The following DYM variants were observed in gnomAD, a reference collection of about 807,000 sequenced individuals.
DYM encodes the protein dyggve-Melchior-Clausen syndrome protein.
A neutral mutation model predicts 93.1 loss-of-function variants in DYM; 78 were observed. That is an observed-to-expected ratio of 0.84 (90% confidence interval 0.70 to 1.01). The LOEUF (loss-of-function observed/expected upper bound fraction) is 1.01, where lower values mean the gene tolerates loss of function less well. Among genes scored for constraint, DYM ranks in the 50% least tolerant of loss-of-function variants. The pLI, the probability that DYM is intolerant of heterozygous loss-of-function variation, is 0.00. For missense variants in DYM, 789 were observed against 845.0 expected (o/e 0.93, Z 0.82); for synonymous variants, 321 against 319.7 (o/e 1.00, Z -0.04).
At chr18:49,302,095 G>A (rs866531710) in intron 8 of DYM, among the ~76,000 whole-genome samples, 3 of 152,112 alleles carry the variant, frequency 2.0e-5, no homozygotes, top group Non-Finnish European at 4.4e-5. Context: ...TTAATGATCC[G>A]AGTACAAGCC....
At chr18:49,274,526 T>C (rs1250397833) in intron 10 of DYM, among the ~76,000 whole-genome samples, 1 of 152,142 alleles carries the variant, frequency 6.6e-6, no homozygotes, top group Middle Eastern at 3.2e-3. Flanking sequence ...AATTGCTGGA[T>C]CATATGGTAA....
At chr18:49,289,772 TAC>T (rs1397770081) in intron 8 of DYM, among the ~76,000 whole-genome samples, 7 of 36,622 alleles carry the variant, frequency 1.9e-4, no homozygotes, top group East Asian at 6.5e-4. Context: ...TATATATATA[TAC>T]ACATATATAT....
chr18:49,089,835 C>A (rs2078881703), intron 17 of DYM, among the ~76,000 whole-genome samples: 1 of 152,138 alleles, frequency 6.6e-6, no homozygotes, highest in African/African-American at 2.4e-5. Flanking sequence ...AGAAGAGATT[C>A]TAGTATCAAC....
At chr18:49,256,515 G>T (rs554536634) in intron 13 of DYM, among the ~76,000 whole-genome samples, 4 of 152,190 alleles carry the variant, frequency 2.6e-5, no homozygotes, top group Admixed American at 1.3e-4. Flanking sequence ...TTTTAGCCTA[G>T]TGAGACCCAC....
Position 49,206,003 on chromosome 18 carries a change from G to GTTTTTTTT in DYM, c.1625+3547_1625+3548insAAAAAAAA, listed in dbSNP as rs72500406. On this transcript the variant is annotated intron_variant, in intron 14 of 17. Coordinates refer to ENST00000675505, the MANE Select transcript of DYM (RefSeq NM_001353214.3). ...TTGACTAAGGTAGAGTTTTTTTTTT[G>GTTTTTTTT]TTTTTTTGTTTTTTGCGGAGTCTTG... The GTTTTTTTT allele has an allele frequency of 2.0e-3, 279 of 142,734 alleles. 14 individuals carry two copies. The highest frequency in any genetic ancestry group is 3.7e-3 in the Admixed American group (46 of 12,444). 8.8% of individuals were successfully genotyped at this position (142,734 alleles called of 1,614,324 possible).
chr18:49,433,666 G>A (rs1296157732), intron 1 of DYM, among the ~76,000 whole-genome samples: 3 of 152,206 alleles, frequency 2.0e-5, no homozygotes, highest in South Asian at 2.1e-4. Flanking sequence ...CCAGAAGTTC[G>A]AGACTAACCT....
chr18:49,209,432 C>A, intron 14 of DYM, 119 bp downstream of exon 14: 17 of 658,914 alleles, frequency 2.6e-5, no homozygotes, highest in South Asian at 1.2e-4. Context: ...TATTTAGTAC[C>A]ATTTCAAATA....
At chr18:49,196,986 T>C (rs1568581702) in intron 14 of DYM, among the ~76,000 whole-genome samples, 1 of 152,262 alleles carries the variant, frequency 6.6e-6, no homozygotes, top group East Asian at 1.9e-4. Flanking sequence ...ATGGATGTAG[T>C]GAGGATGAAT....
Position 49,436,508 on chromosome 18 carries a change from A to G in DYM, c.-53-6061T>C, listed in dbSNP as rs188166700. On this transcript the variant is annotated intron_variant, in intron 1 of 17. Coordinates refer to ENST00000675505, the MANE Select transcript of DYM (RefSeq NM_001353214.3). ...CCTTTTTAGCCAAAGCTTTCAAATT[A>G]TTTTTATTTGTCCAATAATCCCTGT... is the stretch of plus-strand genomic sequence containing the variant. Among the ~76,000 whole-genome samples the G allele has an allele frequency of 4.6e-5, 7 of 152,244 alleles. No individual in the cohort carries two copies. The South Asian group carries it at 1.0e-3, about 23-fold the overall frequency.
intron 9 of DYM, 40 bp from the exon 10 acceptor site, chr18:49,282,215 T>C (rs372651969): frequency 6.5e-7 from 1 of 1,546,468 alleles, no homozygotes; most frequent in Non-Finnish European, 8.9e-7. Flanking sequence ...TTTCTAGCTG[T>C]GCTTTATATA....
intron 13 of DYM, among the ~76,000 whole-genome samples, chr18:49,218,832 C>G (rs2093206910): frequency 6.6e-6 from 1 of 152,046 alleles, no homozygotes; most frequent in African/African-American, 2.4e-5. Context: ...ACCCTAACAT[C>G]ACAATTAAAA....
chr18:49,459,800 C>CT (rs1309105744), intron 1 of DYM, among the ~76,000 whole-genome samples: 2 of 152,118 alleles, frequency 1.3e-5, no homozygotes, highest in Non-Finnish European at 2.9e-5. Flanking sequence ...AACACCCACC[C>CT]TTTCACTTTT....
At chr18:49,394,467 G>A (rs4939868) in intron 2 of DYM, among the ~76,000 whole-genome samples, 83,577 of 151,818 alleles carry the variant, frequency 0.55, 24,386 homozygotes, top group Non-Finnish European at 0.66. Context: ...GTAACGTAAT[G>A]TCTCCAGATT....
At chr18:49,414,773 T>G (rs899675494) in intron 2 of DYM, among the ~76,000 whole-genome samples, 3 of 152,194 alleles carry the variant, frequency 2.0e-5, no homozygotes, top group African/African-American at 7.2e-5. Flanking sequence ...CTCCATCACC[T>G]CACTCCGCTT....
chr18:49,309,896 G>A (rs141142678), intron 8 of DYM, among the ~76,000 whole-genome samples: 86 of 152,236 alleles, frequency 5.6e-4, no homozygotes, highest in Admixed American at 2.1e-3. Flanking sequence ...CAGAAGGGTC[G>A]AAATCAACCC....
chr18:49,318,155 T>C (rs2062159012), intron 8 of DYM, among the ~76,000 whole-genome samples: 1 of 152,160 alleles, frequency 6.6e-6, no homozygotes, highest in Non-Finnish European at 1.5e-5. Flanking sequence ...CCACCATTGC[T>C]TACAGCATCA....
intron 15 of DYM, among the ~76,000 whole-genome samples, chr18:49,130,990 G>T (rs926627133): frequency 2.0e-5 from 3 of 152,154 alleles, no homozygotes; most frequent in Non-Finnish European, 4.4e-5. Flanking sequence ...CAGCTTTCCC[G>T]TGAGAAAAAT....
intron 14 of DYM, among the ~76,000 whole-genome samples, chr18:49,171,241 C>T (rs548685196): frequency 1.2e-3 from 187 of 152,182 alleles, no homozygotes; most frequent in African/African-American, 4.3e-3. Context: ...GTAAAGGGAA[C>T]GCATCACAGA....
chr18:49,192,874 T>C (rs890419630), intron 14 of DYM, among the ~76,000 whole-genome samples: 3 of 152,148 alleles, frequency 2.0e-5, no homozygotes, highest in Non-Finnish European at 4.4e-5. Context: ...AAGTAGACAG[T>C]AGAATGGTGG....
Sources: gnomAD v4.1 joint callset for allele counts (sites outside exome capture counted in the v4.1 genomes callset) on GRCh38, gnomAD v4.1.1 for gene constraint, MANE v1.5 for transcripts, NCBI Gene and HGNC (gene_info 2026-07-23, HGNC 2026-07-21) for gene names.